Variants in MITF observed in about 807,000 individuals in gnomAD.
MITF encodes the protein melanocyte inducing transcription factor.
MITF carries 17 observed loss-of-function variants against 60.5 expected under a neutral mutation model. That is an observed-to-expected ratio of 0.28 (90% CI 0.19 to 0.42). The LOEUF is 0.42. Ranked by LOEUF, MITF falls within the 10% of genes least tolerant of loss-of-function variation. MITF has a pLI of 1.00. For synonymous variants in MITF, 260 were observed against 248.5 expected (o/e 1.05, Z -0.43); for missense variants, 622 against 683.5 (o/e 0.91, Z 1.00).
intron 1 of MITF, among the ~76,000 whole-genome samples, chr3:69,808,497 A>G (rs2063047570): frequency 6.6e-6 from 1 of 152,196 alleles, no homozygotes; most frequent in South Asian, 2.1e-4. Flanking sequence ...CTGTAAAAAA[A>G]TGATAAAGTG....
intron 1 of MITF, among the ~76,000 whole-genome samples, chr3:69,790,383 G>A (rs765409395): frequency 6.6e-6 from 1 of 152,160 alleles, no homozygotes; most frequent in Non-Finnish European, 1.5e-5. Context: ...AGTTTTGCGA[G>A]ATGAAAAAGT....
intron 1 of MITF, among the ~76,000 whole-genome samples, chr3:69,743,363 G>GT (rs1425456231): frequency 6.6e-6 from 1 of 152,150 alleles, no homozygotes; most frequent in Non-Finnish European, 1.5e-5. Flanking sequence ...ATGGTATTTG[G>GT]TTTTTTGTTT....
chr3:69,795,550 A>G (rs1432022617), intron 1 of MITF, among the ~76,000 whole-genome samples: 5 of 151,870 alleles, frequency 3.3e-5, no homozygotes, highest in African/African-American at 4.8e-5. Flanking sequence ...ACATGACAAG[A>G]CCTCATCTCT....
At chr3:69,847,515 C>G (rs2063752539) in intron 1 of MITF, among the ~76,000 whole-genome samples, 1 of 152,092 alleles carries the variant, frequency 6.6e-6, no homozygotes, top group African/African-American at 2.4e-5. Flanking sequence ...AGTGGCAGAA[C>G]CAGGTAGTTT....
chr3:69,748,901 T>A (rs1703826800), intron 1 of MITF, among the ~76,000 whole-genome samples: 1 of 152,178 alleles, frequency 6.6e-6, no homozygotes, highest in African/African-American at 2.4e-5. Context: ...GGCAGAGAGG[T>A]TTCACTTAGC....
At chr3:69,837,141 A>G (rs1159310196) in intron 1 of MITF, among the ~76,000 whole-genome samples, 1 of 152,206 alleles carries the variant, frequency 6.6e-6, no homozygotes, top group South Asian at 2.1e-4. Context: ...ACCTGAAGGC[A>G]TATGTCTCCA....
intron 2 of MITF, chr3:69,936,946 TC>T (rs879120223): frequency 7.8e-5 from 37 of 472,098 alleles, no homozygotes; most frequent in East Asian, 1.1e-4. Context: ...TTAGTAGGAT[TC>T]TTTTTTTTTT....
chr3:69,834,636 G>A (rs1221640170), intron 1 of MITF, among the ~76,000 whole-genome samples: 3 of 152,002 alleles, frequency 2.0e-5, no homozygotes, highest in Non-Finnish European at 4.4e-5. Context: ...AATAAACATG[G>A]GAGTGCAGAT....
intron 1 of MITF, among the ~76,000 whole-genome samples, chr3:69,751,713 A>G (rs1703946718): frequency 1.3e-5 from 2 of 152,078 alleles, no homozygotes; most frequent in South Asian, 2.1e-4. Context: ...CTTACTGGCT[A>G]TATATGTGTC....
In MITF at chr3:69,792,998, C is replaced by CTTTTTTTT. The variant is rs58440406; in HGVS notation, c.104+53323_104+53330dup. Among the ~76,000 whole-genome samples the CTTTTTTTT allele has an allele frequency of 1.0e-3, 32 of 31,096 alleles. 4 individuals carry two copies. Among genetic ancestry groups the CTTTTTTTT allele is most frequent in the East Asian group, 7.9e-3 (6 of 758 alleles). 20.4% of individuals were successfully genotyped at this position (31,096 alleles called of 152,430 possible). A position where few individuals can be genotyped will look rare whatever the true frequency, so the allele number is the denominator to read the frequency against. ...TTGTTTTATGGGCTAAAGTCTTTAG[C>CTTTTTTTT]TTTTTTTTTTTTTTTTTTTTTTTTT... On this transcript the variant is annotated intron_variant, in intron 1 of 9. Coordinates refer to ENST00000352241, the MANE Select transcript of MITF (RefSeq NM_001354604.2).
chr3:69,879,843 C>T (rs772892256), intron 2 of MITF, among the ~76,000 whole-genome samples: 4 of 152,156 alleles, frequency 2.6e-5, no homozygotes, highest in Non-Finnish European at 5.9e-5. Flanking sequence ...TGAAGAAGAG[C>T]TTTCTGCGCT....
chr3:69,820,075 A>G (rs78208862), intron 1 of MITF, among the ~76,000 whole-genome samples: 1 of 152,230 alleles, frequency 6.6e-6, no homozygotes, highest in African/African-American at 2.4e-5. Context: ...GACGTACTGT[A>G]TGTGTGAAAT....
At chr3:69,898,316 G>A (rs2064922865) in intron 2 of MITF, among the ~76,000 whole-genome samples, 1 of 152,244 alleles carries the variant, frequency 6.6e-6, no homozygotes, top group Non-Finnish European at 1.5e-5. Context: ...GAGCAGGCAA[G>A]AAACAAAGAG....
At chr3:69,885,680 AAGG>A (rs922556197) in intron 2 of MITF, among the ~76,000 whole-genome samples, 4 of 152,252 alleles carry the variant, frequency 2.6e-5, no homozygotes, top group Admixed American at 1.3e-4. Flanking sequence ...GATGGGGATG[AAGG>A]AGAAGCAATT....
chr3:69,930,850 C>T (rs958804953), intron 2 of MITF, among the ~76,000 whole-genome samples: 5 of 152,228 alleles, frequency 3.3e-5, no homozygotes, highest in African/African-American at 1.2e-4. Context: ...CATTTGCTCC[C>T]AGTCCTGTAT....
intron 6 of MITF, among the ~76,000 whole-genome samples, chr3:69,951,404 G>A (rs146895940): frequency 1.8e-4 from 27 of 151,998 alleles, no homozygotes; most frequent in Admixed American, 4.6e-4. Flanking sequence ...ATATCAGCAC[G>A]TTACACAGGC....
intron 2 of MITF, among the ~76,000 whole-genome samples, chr3:69,907,296 T>C (rs927992181): frequency 6.6e-6 from 1 of 152,032 alleles, no homozygotes; most frequent in African/African-American, 2.4e-5. Flanking sequence ...GAAAAAGTCA[T>C]GTGGGTTTTA....
At chr3:69,772,680 T>C (rs1285176292) in intron 1 of MITF, among the ~76,000 whole-genome samples, 4 of 152,110 alleles carry the variant, frequency 2.6e-5, no homozygotes, top group African/African-American at 7.2e-5. Context: ...TAAAAGTGGG[T>C]ACATAGTGAT....
At chr3:69,839,855 T>A (rs74280296) in intron 1 of MITF, among the ~76,000 whole-genome samples, 23,200 of 151,966 alleles carry the variant, frequency 0.15, 2,019 homozygotes, top group Non-Finnish European at 0.21. Flanking sequence ...GTGCTGTGGA[T>A]CTCACATATA....
Sources: gnomAD v4.1 joint callset for allele counts (sites outside exome capture counted in the v4.1 genomes callset) on GRCh38, gnomAD v4.1.1 for gene constraint, MANE v1.5 for transcripts, NCBI Gene and HGNC (gene_info 2026-07-23, HGNC 2026-07-21) for gene names.